Variants in AKAP19 observed in about 807,000 individuals in gnomAD.
The protein encoded by AKAP19 is A-kinase anchoring protein 19.
the AKAP19 span, among the ~76,000 whole-genome samples, chr2:190,194,417 A>AG: frequency 6.6e-6 from 1 of 151,836 alleles, no homozygotes. Flanking sequence ...TGTTTTTCAG[A>AG]GCAGTTTTAA....
chr2:190,040,130 A>C, the AKAP19 span, among the ~76,000 whole-genome samples: 1 of 151,978 alleles, frequency 6.6e-6, no homozygotes, highest in Non-Finnish European at 1.5e-5. Flanking sequence ...ACTAATTTAC[A>C]CTCCCACCAA....
At chr2:189,939,623 A>G in the AKAP19 span, among the ~76,000 whole-genome samples, 3 of 152,340 alleles carry the variant, frequency 2.0e-5, no homozygotes, top group African/African-American at 7.2e-5. Context: ...CTCTATGACT[A>G]ATCATTCAAA....
chr2:189,919,638 G>A, the AKAP19 span, among the ~76,000 whole-genome samples: 140 of 152,226 alleles, frequency 9.2e-4, no homozygotes, highest in African/African-American at 3.2e-3. Context: ...AAGAACATGG[G>A]GTGTTTGGTT....
chr2:190,131,261 A>T, the AKAP19 span, among the ~76,000 whole-genome samples: 1 of 152,226 alleles, frequency 6.6e-6, no homozygotes, highest in Non-Finnish European at 1.5e-5. Flanking sequence ...AGACTAAGCC[A>T]TAGTTCTAAG....
the AKAP19 span, among the ~76,000 whole-genome samples, chr2:190,094,677 TCA>T: frequency 6.6e-6 from 1 of 152,226 alleles, no homozygotes; most frequent in South Asian, 2.1e-4. Flanking sequence ...TTGAGCTGAA[TCA>T]CAAACACTGC....
At chr2:189,976,740 A>G in the AKAP19 span, among the ~76,000 whole-genome samples, 2 of 152,164 alleles carry the variant, frequency 1.3e-5, no homozygotes, top group Admixed American at 6.5e-5. Context: ...TGTGCTAGCA[A>G]TTAGTGAGGC....
the AKAP19 span, among the ~76,000 whole-genome samples, chr2:190,078,821 A>G: frequency 1.3e-5 from 2 of 152,254 alleles, no homozygotes; most frequent in South Asian, 2.1e-4. Context: ...ACTTGCATAA[A>G]CTCTCAAAGA....
chr2:190,016,906 G>T, the AKAP19 span, among the ~76,000 whole-genome samples: 1,735 of 152,078 alleles, frequency 0.011, 33 homozygotes, highest in African/African-American at 0.04. Context: ...CACTACTATT[G>T]TATTATTATC....
At chr2:190,048,690 C>T in the AKAP19 span, among the ~76,000 whole-genome samples, 1 of 152,214 alleles carries the variant, frequency 6.6e-6, no homozygotes, top group Non-Finnish European at 1.5e-5. Context: ...CAGTTCTCAA[C>T]CCAGGCTCAA....
chr2:190,000,927 T>C, the AKAP19 span, among the ~76,000 whole-genome samples: 1 of 152,274 alleles, frequency 6.6e-6, no homozygotes, highest in South Asian at 2.1e-4. Context: ...CTGTTCTCTT[T>C]TTTGCGGGGA....
chr2:190,025,687 T>G, the AKAP19 span, among the ~76,000 whole-genome samples: 1 of 152,184 alleles, frequency 6.6e-6, no homozygotes, highest in Admixed American at 6.6e-5. Flanking sequence ...ACTTTGCTAA[T>G]GGGCAGTATT....
At chr2:190,112,488 A>G in the AKAP19 span, among the ~76,000 whole-genome samples, 1 of 152,184 alleles carries the variant, frequency 6.6e-6, no homozygotes, top group African/African-American at 2.4e-5. Context: ...ATGTAAAGGG[A>G]ATGCTTTTAA....
the AKAP19 span, among the ~76,000 whole-genome samples, chr2:190,184,254 G>C: frequency 6.6e-6 from 1 of 152,184 alleles, no homozygotes; most frequent in Admixed American, 6.5e-5. Context: ...GACCCAAAGA[G>C]TGAATGCCTA....
the AKAP19 span, among the ~76,000 whole-genome samples, chr2:190,142,604 T>A: frequency 6.6e-6 from 1 of 152,156 alleles, no homozygotes; most frequent in Non-Finnish European, 1.5e-5. Flanking sequence ...TATATGCCAG[T>A]AAACTTCTAG....
chr2:189,900,149 T>C, the AKAP19 span, among the ~76,000 whole-genome samples: 1 of 152,202 alleles, frequency 6.6e-6, no homozygotes, highest in Non-Finnish European at 1.5e-5. Context: ...CTTAAAACAG[T>C]ATTGAATTGT....
the AKAP19 span, among the ~76,000 whole-genome samples, chr2:189,930,061 C>A: frequency 6.6e-6 from 1 of 152,152 alleles, no homozygotes; most frequent in Non-Finnish European, 1.5e-5. Context: ...TGGGTCAAGG[C>A]CTTACATAAA....
chr2:189,941,293 C>T, the AKAP19 span, among the ~76,000 whole-genome samples: 8 of 152,174 alleles, frequency 5.3e-5, no homozygotes, highest in African/African-American at 1.9e-4. Context: ...GTATAAAATC[C>T]ACTGGTAAAA....
the AKAP19 span, among the ~76,000 whole-genome samples, chr2:189,897,386 C>T: frequency 1.4e-3 from 218 of 152,218 alleles, no homozygotes; most frequent in African/African-American, 5.0e-3. Flanking sequence ...TAATTTGATA[C>T]TGTAAATTAC....
At chr2:190,028,002 C>CT in the AKAP19 span, among the ~76,000 whole-genome samples, 1 of 151,878 alleles carries the variant, frequency 6.6e-6, no homozygotes, top group African/African-American at 2.4e-5. Flanking sequence ...TCTTAACTGC[C>CT]TTTTTTTAGT....
Sources: allele counts gnomAD v4.1 joint callset (sites outside exome capture counted in the v4.1 genomes callset), GRCh38; gene constraint gnomAD v4.1.1; transcripts MANE v1.5; gene names NCBI Gene and HGNC (gene_info 2026-07-23, HGNC 2026-07-21).